PRPF18: variants seen among roughly 807,000 people sequenced by gnomAD.
PRPF18 encodes pre-mRNA-splicing factor 18.
A neutral mutation model predicts 46.5 loss-of-function variants in PRPF18; 38 were observed. The observed-to-expected ratio is 0.82, with a 90% CI of 0.63 to 1.07. PRPF18 has a LOEUF of 1.07. PRPF18 is among the 50% of genes least tolerant of loss of function. The probability of loss-of-function intolerance (pLI) is 0.00; values close to 1 mark genes in which losing one functional copy is unlikely to be tolerated. For synonymous variants in PRPF18, 152 were observed against 146.7 expected, an observed-to-expected ratio of 1.04 and a Z score of -0.26; for missense variants, 263 against 410.0, an observed-to-expected ratio of 0.64 and a Z score of 3.10.
intron 1 of PRPF18, among the ~76,000 whole-genome samples, chr10:13,590,725 C>T (rs1353941535): frequency 6.6e-6 from 1 of 151,880 alleles, no homozygotes; most frequent in Non-Finnish European, 1.5e-5. Context: ...TGCCATTGTT[C>T]CCATTTACAG....
chr10:13,650,912 A>G, the PRPF18 span, among the ~76,000 whole-genome samples: 3 of 151,480 alleles, frequency 2.0e-5, no homozygotes, highest in Admixed American at 6.5e-5. Context: ...TGACCCCCTC[A>G]TTTCTGAATC....
At chr10:13,618,294 A>G (rs549172167) in intron 9 of PRPF18, among the ~76,000 whole-genome samples, 1 of 152,204 alleles carries the variant, frequency 6.6e-6, no homozygotes, top group South Asian at 2.1e-4. Flanking sequence ...GGACCCATAT[A>G]CCCTTTTGCT....
At chr10:13,654,689 A>G in the PRPF18 span, 3 of 597,656 alleles carry the variant, frequency 5.0e-6, no homozygotes, top group Non-Finnish European at 8.9e-6. Context: ...ACAGTGGGCA[A>G]CCATCTCTAC....
chr10:13,643,833 T>G, the PRPF18 span: 1 of 152,800 alleles, frequency 6.5e-6, no homozygotes, highest in South Asian at 2.1e-4. Context: ...ATTCTGCAAC[T>G]TTGTCTACAA....
the PRPF18 span, among the ~76,000 whole-genome samples, chr10:13,636,498 A>G: frequency 6.6e-6 from 1 of 152,190 alleles, no homozygotes; most frequent in South Asian, 2.1e-4. Flanking sequence ...TTACGCGTCA[A>G]GTGTCTGTTG....
intron 9 of PRPF18, among the ~76,000 whole-genome samples, chr10:13,620,131 G>A (rs891696561): frequency 6.6e-6 from 1 of 152,146 alleles, no homozygotes; most frequent in African/African-American, 2.4e-5. Flanking sequence ...ATTATGTGAA[G>A]TTTAAGTCAA....
At chr10:13,591,884 C>T (rs775727853) in intron 1 of PRPF18, 1 of 1,423,112 alleles carries the variant, frequency 7.0e-7, no homozygotes, top group Non-Finnish European at 9.4e-7. Flanking sequence ...AGAACGTTCC[C>T]CGGGGTAATG....
chr10:13,645,967 A>ACTACAAAT, the PRPF18 span: 2 of 152,520 alleles, frequency 1.3e-5, no homozygotes, highest in Non-Finnish European at 2.9e-5. Context: ...ACCTTACGTT[A>ACTACAAAT]CTACAAATCC....
intron 3 of PRPF18, among the ~76,000 whole-genome samples, chr10:13,605,186 A>G (rs2133479126): frequency 6.6e-6 from 1 of 152,380 alleles, no homozygotes; most frequent in South Asian, 2.1e-4. Flanking sequence ...TTTATACTTT[A>G]CACAGAGGCA....
At chr10:13,595,863 TA>T (rs1365279359) in intron 1 of PRPF18, among the ~76,000 whole-genome samples, 2 of 152,272 alleles carry the variant, frequency 1.3e-5, no homozygotes, top group Admixed American at 1.3e-4. Flanking sequence ...CAAAAATAGA[TA>T]AAATTTTATG....
chr10:13,621,947 A>G, intron 9 of PRPF18, among the ~76,000 whole-genome samples: 1 of 152,232 alleles, frequency 6.6e-6, no homozygotes, highest in Non-Finnish European at 1.5e-5. Flanking sequence ...TCCATGGAAC[A>G]TTTGTGAGTT....
chr10:13,592,006 G>T, intron 1 of PRPF18: 1 of 758,012 alleles, frequency 1.3e-6, no homozygotes. Context: ...ATTTTATGAA[G>T]TTTAACCACC....
At chr10:13,644,642 A>C in the PRPF18 span, 103,142 of 152,144 alleles carry the variant, frequency 0.68, 35,160 homozygotes, top group East Asian at 0.88. Context: ...TCAAGCTACT[A>C]TGCATGATGT....
chr10:13,612,435 T>A (rs931585832), intron 6 of PRPF18, among the ~76,000 whole-genome samples: 33 of 151,720 alleles, frequency 2.2e-4, no homozygotes, highest in Admixed American at 8.5e-4. Context: ...TTTTTGTATT[T>A]TTTATTTATT....
chr10:13,652,159 AC>A, the PRPF18 span: 1 of 607,480 alleles, frequency 1.6e-6, no homozygotes, highest in Non-Finnish European at 3.0e-6. Flanking sequence ...GAGTCAAAAT[AC>A]CTAGTTTGTT....
chr10:13,624,947 C>T (rs2080477935), intron 9 of PRPF18, among the ~76,000 whole-genome samples: 2 of 152,138 alleles, frequency 1.3e-5, no homozygotes, highest in Non-Finnish European at 2.9e-5. Flanking sequence ...AAGTCTCCAA[C>T]ATGAAAACAG....
At chr10:13,620,849 C>T (rs1158072844) in intron 9 of PRPF18, among the ~76,000 whole-genome samples, 1 of 152,142 alleles carries the variant, frequency 6.6e-6, no homozygotes, top group East Asian at 1.9e-4. Flanking sequence ...TTGAAGTGTT[C>T]TATTTCTCAC....
At chr10:13,650,388 C>CTGCATGTGCACATGTA in the PRPF18 span, among the ~76,000 whole-genome samples, 1 of 152,100 alleles carries the variant, frequency 6.6e-6, no homozygotes, top group Non-Finnish European at 1.5e-5. Context: ...ATGTGTGTCC[C>CTGCATGTGCACATGTA]TGCATGTGCA....
the PRPF18 span, chr10:13,653,440 C>A: frequency 1.3e-5 from 2 of 152,274 alleles, no homozygotes; most frequent in Non-Finnish European, 2.9e-5. Context: ...ATGGAGGTTG[C>A]AGTGAGCTGA....
Sources: allele counts gnomAD v4.1 joint callset (sites outside exome capture counted in the v4.1 genomes callset), GRCh38; gene constraint gnomAD v4.1.1; transcripts MANE v1.5; gene names NCBI Gene and HGNC (gene_info 2026-07-23, HGNC 2026-07-21).